The following RERE variants were observed in gnomAD, a reference collection of about 807,000 sequenced individuals.
RERE encodes arginine-glutamic acid dipeptide repeats, also known as arginine-glutamic acid dipeptide repeats protein.
In RERE, 40 loss-of-function variants were observed where a neutral mutation model predicts 146.1. That is an observed-to-expected ratio of 0.27 (90% CI 0.21 to 0.36). The LOEUF (loss-of-function observed/expected upper bound fraction) is 0.36. RERE is among the 10% of genes least tolerant of loss of function. The pLI, the probability that RERE is intolerant of heterozygous loss-of-function variation, is 1.00. For synonymous variants in RERE, 1,003 were observed against 866.0 expected (o/e 1.16, Z -2.78); for missense variants, 1,933 against 2,138.7 (o/e 0.90, Z 1.90).
intron 17 of RERE, 60 bp downstream of exon 17, chr1:8,361,703 G>T (rs776381684): frequency 1.4e-6 from 2 of 1,474,560 alleles, no homozygotes; most frequent in African/African-American, 1.4e-5. Context: ...GGAGAACCCC[G>T]GCTGGGGGCT....
chr1:8,609,456 G>A lies in RERE; in HGVS notation c.522+5105C>T, dbSNP rs140606048. The stretch of plus-strand genomic sequence containing the variant: ...GGTAGCTGGATTAATCCCAACATTT[G>A]TATTAGCAATTCTTCTGAAAATCCA... On this transcript the variant is annotated intron_variant, in intron 4 of 22. Coordinates refer to ENST00000400908, the MANE Select transcript of RERE (RefSeq NM_001042681.2). Among the ~76,000 whole-genome samples, 657 of 152,208 alleles carry A rather than the reference G, an allele frequency of 4.3e-3. 3 individuals are homozygous for A. The highest frequency in any genetic ancestry group is 0.015 in the African/African-American group (608 of 41,514).
At chr1:8,778,990 G>A (rs1641117564) in intron 1 of RERE, among the ~76,000 whole-genome samples, 2 of 151,852 alleles carry the variant, frequency 1.3e-5, no homozygotes, top group Admixed American at 6.6e-5. Context: ...GGGATTACAG[G>A]CATGTACCAC....
chr1:8,814,045 GT>G (rs1641864957), intron 1 of RERE, among the ~76,000 whole-genome samples: 2 of 152,188 alleles, frequency 1.3e-5, no homozygotes, highest in Admixed American at 1.3e-4. Flanking sequence ...TAGTTTCCTT[GT>G]GACAAAACAC....
At chr1:8,512,064 T>C (rs1645347363) in intron 7 of RERE, 2 of 125,994 alleles carry the variant, frequency 1.6e-5, no homozygotes, top group Non-Finnish European at 3.3e-5. Flanking sequence ...TCTCGCTCTG[T>C]CGCCCAGGCC....
chr1:8,615,427 A>AG (rs1462940102), intron 3 of RERE, among the ~76,000 whole-genome samples: 1 of 152,214 alleles, frequency 6.6e-6, no homozygotes, highest in Non-Finnish European at 1.5e-5. Flanking sequence ...TTTAAAAACC[A>AG]GGAAAAAAAA....
At chr1:8,448,420 A>C (rs1007668295) in intron 11 of RERE, among the ~76,000 whole-genome samples, 1 of 152,122 alleles carries the variant, frequency 6.6e-6, no homozygotes, top group African/African-American at 2.4e-5. Flanking sequence ...AGATAGATGA[A>C]GAGTTATCTG....
At chr1:8,697,060 C>CT (rs1462750379) in intron 1 of RERE, among the ~76,000 whole-genome samples, 1 of 152,096 alleles carries the variant, frequency 6.6e-6, no homozygotes, top group Non-Finnish European at 1.5e-5. Flanking sequence ...GTTAAGAGTC[C>CT]TTTCCATGAA....
At chr1:8,779,693 G>A (rs1014107166) in intron 1 of RERE, among the ~76,000 whole-genome samples, 3 of 151,896 alleles carry the variant, frequency 2.0e-5, no homozygotes, top group Non-Finnish European at 4.4e-5. Context: ...AGCTCCATGA[G>A]AGCAGAGATT....
intron 1 of RERE, among the ~76,000 whole-genome samples, chr1:8,694,974 G>GGA (rs1553135222): frequency 7.4e-5 from 2 of 26,870 alleles, no homozygotes; most frequent in Non-Finnish European, 1.4e-4. Context: ...GAAATCCTAA[G>GGA]GGGGGGGGGG....
chr1:8,586,584 G>C (rs899583262), intron 4 of RERE, among the ~76,000 whole-genome samples: 1 of 152,126 alleles, frequency 6.6e-6, no homozygotes, highest in African/African-American at 2.4e-5. Flanking sequence ...CAGGAGAAGG[G>C]AAGCGAATCT....
intron 12 of RERE, among the ~76,000 whole-genome samples, chr1:8,370,903 C>T (rs564234155): frequency 6.6e-6 from 1 of 152,212 alleles, no homozygotes; most frequent in African/African-American, 2.4e-5. Flanking sequence ...GGCAGCCTTG[C>T]AAATTAGCTC....
chr1:8,638,567 T>C (rs1223691500), intron 2 of RERE, among the ~76,000 whole-genome samples: 2 of 152,142 alleles, frequency 1.3e-5, no homozygotes. Context: ...TGGAAATAAA[T>C]TCAGGACATG....
chr1:8,713,134 A>G (rs1473020952), intron 1 of RERE, among the ~76,000 whole-genome samples: 1 of 152,216 alleles, frequency 6.6e-6, no homozygotes, highest in African/African-American at 2.4e-5. Context: ...TAGTAACTGG[A>G]GGAGGAACAG....
chr1:8,358,632 C>T lies in RERE; in HGVS notation c.3903G>A (p.Glu1301=), dbSNP rs1358009330. The change falls in exon 20 of 23, where the codon GAG becomes GAA. Residue 1301 remains glutamate (E), a synonymous_variant. Coordinates refer to ENST00000400908, the MANE Select transcript of RERE (RefSeq NM_001042681.2). The part of the protein sequence containing the change: ...GLYNVDPTIR[E]RELREREIRE... ...GGATCTCCCGCTCCCGGAGCTCCCG[C>T]TCGCGGATGGTGGGGTCGACGTTGT... The T allele has an allele frequency of 7.6e-6, 12 of 1,587,864 alleles. No homozygotes were observed. The highest frequency in any genetic ancestry group is 1.3e-5 in the African/African-American group (1 of 74,390).
intron 6 of RERE, among the ~76,000 whole-genome samples, chr1:8,545,216 G>A (rs1052317794): frequency 2.6e-5 from 4 of 152,192 alleles, no homozygotes; most frequent in Non-Finnish European, 4.4e-5. Context: ...ATGCTTCACT[G>A]TTAACAGAAA....
intron 4 of RERE, among the ~76,000 whole-genome samples, chr1:8,584,070 GA>G (rs1646399063): frequency 6.6e-6 from 1 of 151,842 alleles, no homozygotes; most frequent in African/African-American, 2.4e-5. Context: ...ACAAAAATCA[GA>G]AACAAGAAAA....
chr1:8,789,301 A>AAAAAAAAAAAAAAAAAAAATATATAT, intron 1 of RERE, among the ~76,000 whole-genome samples: 3 of 24,820 alleles, frequency 1.2e-4, no homozygotes, highest in Non-Finnish European at 1.9e-4. Context: ...AAAAAAAAAA[A>AAAAAAAAAAAAAAAAAAAATATATAT]ATATATATAT....
intron 1 of RERE, among the ~76,000 whole-genome samples, chr1:8,773,415 C>T (rs1255633669): frequency 6.6e-6 from 1 of 152,114 alleles, no homozygotes; most frequent in Admixed American, 6.6e-5. Context: ...GGTTGCTGGC[C>T]GGGTACGGTG....
rs1163468859 is a variant in RERE, at chr1:8,510,684, C to T, written c.831-2009G>A. On this transcript the variant is annotated intron_variant, in intron 7 of 22. Coordinates refer to ENST00000400908, the MANE Select transcript of RERE (RefSeq NM_001042681.2). ...TCTAACTAGCTGTGAGCAAAACAAG[C>T]TGCCAAAAGCTCTAAATACTTTCCA... Among the ~76,000 whole-genome samples, 3 of 152,232 alleles carry T rather than the reference C, an allele frequency of 2.0e-5. 1 individual carries two copies. The East Asian group carries it at 5.8e-4, about 29-fold the overall frequency.
Sources: gnomAD v4.1 joint callset for allele counts (sites outside exome capture counted in the v4.1 genomes callset) on GRCh38, gnomAD v4.1.1 for gene constraint, MANE v1.5 for transcripts, NCBI Gene and HGNC (gene_info 2026-07-23, HGNC 2026-07-21) for gene names.